The following C19orf53 variants were observed in gnomAD, a reference collection of about 807,000 sequenced individuals.
C19orf53 encodes chromosome 19 open reading frame 53.
A neutral mutation model predicts 6.5 loss-of-function variants in C19orf53; 9 were observed. The observed-to-expected ratio is 1.38, with a 90% confidence interval of 0.83 to 2.40. The LOEUF is 2.40. Among genes scored for constraint, C19orf53 ranks in the 30% most tolerant of loss-of-function variants. The probability of loss-of-function intolerance (pLI) is 0.00; values close to 1 mark genes in which losing one functional copy is unlikely to be tolerated. For synonymous variants in C19orf53, 68 were observed against 52.5 expected (o/e 1.29, Z -1.27); for missense variants, 166 against 129.7 (o/e 1.28, Z -1.36).
chr19:13,774,532 G>C lies in C19orf53; in HGVS notation c.55G>C (p.Ala19Pro), dbSNP rs767888673. The C allele has an allele frequency of 1.2e-6, 2 of 1,613,756 alleles. No homozygotes were observed. The highest frequency in any genetic ancestry group is 2.2e-5 in the South Asian group (2 of 91,076). The change falls in exon 1 of 3, where the codon GCA becomes CCA. Residue 19 changes from alanine (A) to proline (P), a missense_variant. Physicochemically the swap from Ala to Pro is conservative, Grantham distance 27. Transcript: ENST00000588234. The part of the protein sequence containing the change: ...QAHKPAKSKT[A>P]AAASEKNRGP... ...GCACAAACCCGCAAAGAGTAAGACGGCAGCGGCAGCCTCTGAAAAGAATCG... is the reference window on the plus strand; with the variant it reads ...GCACAAACCCGCAAAGAGTAAGACGCCAGCGGCAGCCTCTGAAAAGAATCG...
chr19:13,775,037 C>G (rs1435405084), intron 2 of C19orf53: 1 of 450,850 alleles, frequency 2.2e-6, no homozygotes, highest in Non-Finnish European at 3.9e-6. Context: ...GGACTCCCAG[C>G]TCTGTGGGCC....
At chr19:13,774,948 T>C (rs1205355057) in intron 2 of C19orf53, 1 of 570,550 alleles carries the variant, frequency 1.8e-6, no homozygotes, top group African/African-American at 1.9e-5. Flanking sequence ...GGGGACGTGC[T>C]AGGGACGAGA....
intron 2 of C19orf53, 30 bp from the exon 3 acceptor site, chr19:13,778,022 C>T (rs569600246): frequency 1.9e-6 from 3 of 1,587,822 alleles, no homozygotes; most frequent in African/African-American, 1.3e-5. Flanking sequence ...CCCCAGGTCA[C>T]AATCTGACTG....
chr19:13,778,035 C>T lies in C19orf53; in HGVS notation c.154-17C>T. On this transcript the variant is annotated splice_polypyrimidine_tract_variant and intron_variant, in intron 2 of 2. Transcript: ENST00000588234. ...AGCCCCAGGTCACAATCTGACTGCC[C>T]CGTGCTTCTCCCTCAGAACCTAGAA... The T allele has an allele frequency of 1.2e-6, 2 of 1,600,528 alleles. No homozygotes were observed. Among genetic ancestry groups the T allele is most frequent in the East Asian group, 4.5e-5 (2 of 44,496 alleles).
chr19:13,776,452 C>T (rs1037656839), intron 2 of C19orf53, among the ~76,000 whole-genome samples: 3 of 152,022 alleles, frequency 2.0e-5, no homozygotes, highest in Non-Finnish European at 2.9e-5. Context: ...GCACCTGAGT[C>T]GGTTCCCTCC....
Position 13,776,099 on chromosome 19 carries a change from A to C in C19orf53, c.153+1392A>C, listed in dbSNP as rs951827550. Among the ~76,000 whole-genome samples, 3 of 145,616 alleles carry C rather than the reference A, an allele frequency of 2.1e-5. No individual in the cohort carries two copies. In the South Asian group the frequency reaches 6.5e-4, roughly 32 times the overall value. ...CAGCCTCCCGAGTAACTGGGATTAC[A>C]GGCCTGCACCACCACACCGGGCTAA... On this transcript the variant is annotated intron_variant, in intron 2 of 2. Transcript: ENST00000588234.
intron 2 of C19orf53, 124 bp from the exon 3 acceptor site, chr19:13,777,928 G>A: frequency 8.1e-7 from 1 of 1,239,650 alleles, no homozygotes. Flanking sequence ...CCCACAGTCA[G>A]GTGCGGTTCG....
At chr19:13,774,608 G>A (rs2145211622) in intron 1 of C19orf53, 34 bp downstream of exon 1, 1 of 1,613,192 alleles carries the variant, frequency 6.2e-7, no homozygotes, top group East Asian at 2.2e-5. Context: ...GGGGCGAGGT[G>A]GACCCCCGGC....
Position 13,778,371 on chromosome 19 carries a change from A to T in C19orf53, c.*173A>T. 2.8e-6 allele frequency: 2 copies of T among 720,980 alleles called. No homozygotes were observed. Among genetic ancestry groups the T allele is most frequent in the East Asian group, 6.3e-5 (2 of 31,996 alleles). 44.7% of individuals were successfully genotyped at this position (720,980 alleles called of 1,614,324 possible). ...TGAGAACCCAGCAATGACCAGGAAG[A>T]TACAGTCACTAACTTCATCTGTCCC... is the stretch of plus-strand genomic sequence containing the variant. On this transcript the variant is annotated 3_prime_UTR_variant, in exon 3 of 3. Transcript: ENST00000588234.
chr19:13,774,990 C>T, intron 2 of C19orf53: 1 of 543,844 alleles, frequency 1.8e-6, no homozygotes, highest in South Asian at 2.9e-5. Flanking sequence ...AGGGAAGGAG[C>T]ACAGGGATCG....
intron 2 of C19orf53, among the ~76,000 whole-genome samples, chr19:13,776,313 G>A (rs759722035): frequency 6.6e-6 from 1 of 151,324 alleles, no homozygotes; most frequent in African/African-American, 2.4e-5. Context: ...GAATCCACCC[G>A]CCTCCCATCT....
chr19:13,774,810 G>T (rs569535628), intron 2 of C19orf53, 103 bp downstream of exon 2: 2 of 1,424,640 alleles, frequency 1.4e-6, no homozygotes, highest in Non-Finnish European at 1.9e-6. Flanking sequence ...ATCAGTGAGG[G>T]GAGAGGGTGG....
rs1019823504 is a variant in C19orf53 at position 13,778,679 on chromosome 19, C to T, written c.*481C>T. On this transcript the variant is annotated 3_prime_UTR_variant, in exon 3 of 3. Transcript: ENST00000588234. ...GACTCACTCCCTGGCCAGTCCTCAC[C>T]CCTGGGGACACAACCAGAGTCAAGC... Among the ~76,000 whole-genome samples the T allele has an allele frequency of 3.3e-5, 5 of 152,180 alleles. No individual in the cohort carries two copies. The highest frequency in any genetic ancestry group is 1.2e-4 in the African/African-American group (5 of 41,444).
chr19:13,778,121 A>G lies in C19orf53; in HGVS notation c.223A>G (p.Lys75Glu). 3.1e-6 allele frequency: 5 copies of G among 1,613,384 alleles called. No individual in the cohort carries two copies. Among genetic ancestry groups the G allele is most frequent in the Non-Finnish European group, 4.2e-6 (5 of 1,179,566 alleles). Residue 75 changes from lysine (K) to glutamate (E), a missense_variant, in exon 3 of 3, where the codon AAG (lysine) becomes GAG (glutamate). Physicochemically the swap from Lys to Glu is moderately conservative, Grantham distance 56. Transcript: ENST00000588234. ...VVMKASSSLP[K>E]KLALLKAPAK... ...GATGAAAGCCAGCAGCAGCCTGCCC[A>G]AGAAGCTGGCACTGCTGAAGGCCCC...
intron 2 of C19orf53, among the ~76,000 whole-genome samples, chr19:13,775,290 A>AT (rs35105854): frequency 2.2e-4 from 33 of 150,964 alleles, no homozygotes; most frequent in Middle Eastern, 3.2e-3. Flanking sequence ...GGTTATCGTC[A>AT]TTTTTTTTTG....
At chr19:13,774,843 G>C in intron 2 of C19orf53, 136 bp downstream of exon 2, 1 of 1,208,048 alleles carries the variant, frequency 8.3e-7, no homozygotes, top group Non-Finnish European at 1.2e-6. Context: ...AGCTAGGAGC[G>C]AGGGGATAGA....
intron 2 of C19orf53, among the ~76,000 whole-genome samples, chr19:13,776,233 C>T (rs188388704): frequency 6.6e-6 from 1 of 151,340 alleles, no homozygotes; most frequent in Non-Finnish European, 1.5e-5. Flanking sequence ...CCGCCTCGGC[C>T]TCCCAAAGTG....
intron 2 of C19orf53, 197 bp downstream of exon 2, chr19:13,774,904 G>GT: frequency 1.4e-6 from 1 of 700,850 alleles, no homozygotes; most frequent in Non-Finnish European, 2.3e-6. Flanking sequence ...GCAGAGAGGG[G>GT]TAAGAGGTGG....
chr19:13,778,477 T>C lies in C19orf53; in HGVS notation c.*279T>C. ...CTTTGTCATCCCTCTTGCAGTCCTG[T>C]GTTCGGGTGAGCAGGCCAGGTGAGC... On this transcript the variant is annotated 3_prime_UTR_variant, in exon 3 of 3. Coordinates refer to ENST00000588234, the MANE Select transcript of C19orf53 (RefSeq NM_014047.3). 1 of 280,414 alleles carries C rather than the reference T, an allele frequency of 3.6e-6. No homozygotes were observed. Among genetic ancestry groups the C allele is most frequent in the Middle Eastern group, 1.0e-3 (1 of 998 alleles). 17.4% of individuals were successfully genotyped at this position (280,414 alleles called of 1,614,324 possible).
Sources: allele counts gnomAD v4.1 joint callset (sites outside exome capture counted in the v4.1 genomes callset), GRCh38; gene constraint gnomAD v4.1.1; transcripts MANE v1.5; gene names NCBI Gene and HGNC (gene_info 2026-07-23, HGNC 2026-07-21).